Variants in PREP observed in about 807,000 individuals in gnomAD.
PREP encodes the protein prolyl endopeptidase, also known as dJ355L5.1 (prolyl endopeptidase).
Under a neutral mutation model 87.6 loss-of-function variants are expected in PREP, and 29 were observed. The ratio of observed to expected loss-of-function variants is 0.33; its 90% CI spans 0.25 to 0.45. The LOEUF (loss-of-function observed/expected upper bound fraction) is 0.45. Ranked by LOEUF, PREP falls within the 20% of genes least tolerant of loss-of-function variation. PREP has a pLI of 1.00. For synonymous variants in PREP, 337 were observed against 328.6 expected (o/e 1.03, Z -0.28); for missense variants, 695 against 886.5 (o/e 0.78, Z 2.74).
At chr6:105,382,931 G>C (rs1772886472) in intron 2 of PREP, among the ~76,000 whole-genome samples, 1 of 152,184 alleles carries the variant, frequency 6.6e-6, no homozygotes, top group African/African-American at 2.4e-5. Flanking sequence ...GGGGCTTCTG[G>C]AGAAAGTGGC....
At chr6:105,400,863 G>C (rs906610037) in intron 1 of PREP, among the ~76,000 whole-genome samples, 20 of 152,192 alleles carry the variant, frequency 1.3e-4, no homozygotes, top group African/African-American at 4.8e-4. Context: ...CTACCGCAAT[G>C]CCCAGCTGAT....
At chr6:105,384,342 C>A (rs1772927978) in intron 2 of PREP, among the ~76,000 whole-genome samples, 2 of 152,100 alleles carry the variant, frequency 1.3e-5, no homozygotes, top group African/African-American at 4.8e-5. Flanking sequence ...TGCCAGGTAC[C>A]GAAGGGCAGT....
chr6:105,281,946 A>T, intron 13 of PREP, 44 bp from the exon 14 acceptor site: 2 of 1,601,814 alleles, frequency 1.2e-6, no homozygotes, highest in Non-Finnish European at 1.7e-6. Flanking sequence ...GTCTATCATT[A>T]AACATCTACA....
intron 2 of PREP, among the ~76,000 whole-genome samples, chr6:105,393,851 T>C (rs1442407170): frequency 6.6e-6 from 1 of 152,072 alleles, no homozygotes; most frequent in African/African-American, 2.4e-5. Flanking sequence ...TCAGATCTTA[T>C]AAGAGAGCTA....
intron 7 of PREP, among the ~76,000 whole-genome samples, chr6:105,352,510 C>T (rs567673592): frequency 1.3e-5 from 2 of 152,266 alleles, no homozygotes; most frequent in East Asian, 1.9e-4. Context: ...CAGTTTGCAA[C>T]ATTACGCCTT....
In PREP at chr6:105,329,277, C is replaced by G. The variant is rs1198023548; in HGVS notation, c.1016-251G>C. ...AAGGGATTTTCCTGCCTCAGCCTCC[C>G]AAGTGGCTGGGATTACAGGTGTGTG... On this transcript the variant is annotated intron_variant, in intron 8 of 14. Transcript: ENST00000652536. Among the ~76,000 whole-genome samples the G allele has an allele frequency of 2.0e-5, 3 of 152,018 alleles. No homozygotes were observed. In the East Asian group the frequency reaches 5.8e-4, roughly 29 times the overall value.
At chr6:105,374,731 A>G (rs1038251067) in intron 4 of PREP, among the ~76,000 whole-genome samples, 1 of 135,808 alleles carries the variant, frequency 7.4e-6, no homozygotes, top group Non-Finnish European at 1.6e-5. Flanking sequence ...AAACATTTTG[A>G]TTTGAAAAGT....
intron 8 of PREP, among the ~76,000 whole-genome samples, chr6:105,333,023 A>C (rs1771378075): frequency 6.6e-6 from 1 of 152,264 alleles, no homozygotes; most frequent in Admixed American, 6.5e-5. Flanking sequence ...CCAGATATTA[A>C]GTATACAAAG....
chr6:105,342,479 G>A (rs1160238269), intron 7 of PREP, among the ~76,000 whole-genome samples: 1 of 152,198 alleles, frequency 6.6e-6, no homozygotes. Context: ...GCACAAGACA[G>A]GGATGCCCTC....
chr6:105,340,698 T>A (rs912868297), intron 7 of PREP, among the ~76,000 whole-genome samples: 3 of 152,072 alleles, frequency 2.0e-5, no homozygotes, highest in African/African-American at 7.2e-5. Context: ...TGGAGGAAGA[T>A]CTACCAAGCA....
intron 6 of PREP, among the ~76,000 whole-genome samples, chr6:105,361,839 T>C (rs1348011250): frequency 6.6e-6 from 1 of 152,222 alleles, no homozygotes; most frequent in African/African-American, 2.4e-5. Context: ...AACTCATTTA[T>C]GGATTTGTAA....
chr6:105,357,093 T>C lies in PREP; in HGVS notation c.718-4016A>G, dbSNP rs556411619. 6.6e-5 allele frequency among the ~76,000 whole-genome samples: 10 copies of C among 152,336 alleles called. No individual in the cohort carries two copies. In the South Asian group the frequency reaches 2.1e-3, roughly 32 times the overall value. ...TTTTAATATACATGGCTAACAAAACTGTTCAGAATTTTGGTTCCATCTTAT... is the reference window on the plus strand; with the variant it reads ...TTTTAATATACATGGCTAACAAAACCGTTCAGAATTTTGGTTCCATCTTAT... On this transcript the variant is annotated intron_variant, in intron 6 of 14. Coordinates refer to ENST00000652536, the MANE Select transcript of PREP (RefSeq NM_002726.5).
intron 7 of PREP, among the ~76,000 whole-genome samples, chr6:105,348,571 A>G (rs1771861417): frequency 6.6e-6 from 1 of 152,252 alleles, no homozygotes; most frequent in East Asian, 1.9e-4. Flanking sequence ...AACTCTGGAG[A>G]GAAAGGTATC....
In PREP at chr6:105,402,994, C is replaced by T. The variant is rs1454805922; in HGVS notation, c.-103G>A. 1.0e-5 allele frequency: 5 copies of T among 480,880 alleles called. No homozygotes were observed. Among genetic ancestry groups the T allele is most frequent in the African/African-American group, 2.0e-5 (1 of 48,898 alleles). 29.8% of individuals were successfully genotyped at this position (480,880 alleles called of 1,614,324 possible). On this transcript the variant is annotated 5_prime_UTR_variant, in exon 1 of 15. Coordinates refer to ENST00000652536, the MANE Select transcript of PREP (RefSeq NM_002726.5). The stretch of plus-strand genomic sequence containing the variant: ...GGCGCGGCTGGGGCGCAGGCAGCTG[C>T]GGGGCGGCCGGCGGCAGCGGGCGGC...
In PREP at chr6:105,381,832, T is replaced by C. The variant is rs186512301; in HGVS notation, c.121-4313A>G. Among the ~76,000 whole-genome samples the C allele has an allele frequency of 7.4e-5, 11 of 147,930 alleles. No homozygotes were observed. In the East Asian group the frequency reaches 2.1e-3, roughly 29 times the overall value. On this transcript the variant is annotated intron_variant, in intron 2 of 14. Coordinates refer to ENST00000652536, the MANE Select transcript of PREP (RefSeq NM_002726.5). ...ACACTGTACCTATAGTTAGCAATAC[T>C]ATATTGTGCACAGAAAAATCTGTTA...
intron 10 of PREP, among the ~76,000 whole-genome samples, chr6:105,317,491 G>A (rs1272850008): frequency 6.6e-6 from 1 of 152,178 alleles, no homozygotes; most frequent in African/African-American, 2.4e-5. Context: ...CGTGCAATTG[G>A]AAGGCATATA....
Position 105,277,166 on chromosome 6 carries a change from T to C in PREP, c.*978A>G, listed in dbSNP as rs1149304. ...TGGGGGTGGGCAAACCAAAACTTTT[T>C]TTTTTTTTTTTCCAGTAAGTAAGTA... On this transcript the variant is annotated 3_prime_UTR_variant, in exon 15 of 15. Transcript: ENST00000652536. Among the ~76,000 whole-genome samples, 10,274 of 150,004 alleles carry C rather than the reference T, an allele frequency of 0.068. 900 individuals are homozygous for C. Among genetic ancestry groups the C allele is most frequent in the African/African-American group, 0.22 (8,663 of 39,992 alleles).
intron 5 of PREP, among the ~76,000 whole-genome samples, chr6:105,372,430 A>T (rs1772584815): frequency 6.6e-6 from 1 of 152,170 alleles, no homozygotes; most frequent in South Asian, 2.1e-4. Flanking sequence ...ATAACAAGAA[A>T]ATGCTACATA....
chr6:105,386,846 T>G (rs1046245478), intron 2 of PREP, among the ~76,000 whole-genome samples: 1 of 152,192 alleles, frequency 6.6e-6, no homozygotes, highest in African/African-American at 2.4e-5. Flanking sequence ...GTGATTTTTA[T>G]GGCTAAGCAC....
Sources: allele counts gnomAD v4.1 joint callset (sites outside exome capture counted in the v4.1 genomes callset), GRCh38; gene constraint gnomAD v4.1.1; transcripts MANE v1.5; gene names NCBI Gene and HGNC (gene_info 2026-07-23, HGNC 2026-07-21).